MYO6: variants seen among roughly 807,000 people sequenced by gnomAD.
MYO6 encodes the protein unconventional myosin-VI.
A neutral mutation model predicts 178.7 loss-of-function variants in MYO6; 74 were observed. That is an observed-to-expected ratio of 0.41 (90% CI 0.34 to 0.50). The LOEUF (loss-of-function observed/expected upper bound fraction) is 0.50. Ranked by LOEUF, MYO6 falls within the 20% of genes least tolerant of loss-of-function variation. The pLI is 0.09. For missense variants in MYO6, 1,330 were observed against 1,547.4 expected (o/e 0.86, Z 2.36); for synonymous variants, 477 against 504.6 (o/e 0.95, Z 0.73).
chr6:75,898,410 A>G lies in MYO6; in HGVS notation c.3175A>G (p.Arg1059Gly), dbSNP rs1377814788. 6.2e-7 allele frequency: 1 copy of G among 1,608,370 alleles called. No individual in the cohort carries two copies. The highest frequency in any genetic ancestry group is 1.1e-5 in the South Asian group (1 of 90,942). ...CAAAGAAATGTCAGAATTTTTGAGT[A>G]GGTTAGTGCAGTGTAATTGGGGGAA... ...MAKEMSEFLS[R>G]GPAVLATKAA... Residue 1059 changes from arginine to glycine, a missense_variant and splice_region_variant, in exon 30 of 35, where the codon AGA (arginine) becomes GGA (glycine). Physicochemically the swap from Arg to Gly is moderately radical, Grantham distance 125. This residue lies in a region of MYO6 where 601 missense variants were observed against 626.1 expected (regional missense o/e 0.96). Coordinates refer to ENST00000369977, the MANE Select transcript of MYO6 (RefSeq NM_004999.4).
chr6:75,768,283 T>G (rs9443187), intron 1 of MYO6: 1 of 152,080 alleles, frequency 6.6e-6, no homozygotes, highest in African/African-American at 2.4e-5. Context: ...TACAAGATTT[T>G]AAAAAATTTC....
intron 1 of MYO6, among the ~76,000 whole-genome samples, chr6:75,760,297 A>G (rs1220383899): frequency 6.6e-6 from 1 of 152,144 alleles, no homozygotes; most frequent in African/African-American, 2.4e-5. Flanking sequence ...TTTATTTTGG[A>G]TAGATTCCTT....
chr6:75,894,845 G>T, intron 28 of MYO6: 1 of 1,507,118 alleles, frequency 6.6e-7, no homozygotes, highest in East Asian at 2.4e-5. Flanking sequence ...TTCTAAGTAA[G>T]AATTGTTTTC....
At chr6:75,898,706 T>G (rs886241239) in intron 30 of MYO6, among the ~76,000 whole-genome samples, 1 of 152,174 alleles carries the variant, frequency 6.6e-6, no homozygotes, top group Non-Finnish European at 1.5e-5. Context: ...TCAGTCTCAG[T>G]AGGGGACTTC....
In MYO6 at chr6:75,752,533, G is replaced by A. The variant is rs543127924; in HGVS notation, c.-48+3110G>A. Among the ~76,000 whole-genome samples, 4 of 152,294 alleles carry A rather than the reference G, an allele frequency of 2.6e-5. No individual in the cohort carries two copies. In the East Asian group the frequency reaches 7.7e-4, roughly 29 times the overall value. On this transcript the variant is annotated intron_variant, in intron 1 of 34. Coordinates refer to ENST00000369977, the MANE Select transcript of MYO6 (RefSeq NM_004999.4). ...ATTCACACCTGAGTCATTTGACCAC[G>A]AAGCCCCTGTTTTTTCCACCAGAAC...
At chr6:75,763,243 C>G (rs960049860) in intron 1 of MYO6, among the ~76,000 whole-genome samples, 1 of 151,954 alleles carries the variant, frequency 6.6e-6, no homozygotes, top group African/African-American at 2.4e-5. Context: ...CCAGGCTGGT[C>G]TTGAACTCCT....
intron 30 of MYO6, among the ~76,000 whole-genome samples, chr6:75,905,683 G>C (rs1226688088): frequency 6.6e-6 from 1 of 152,222 alleles, no homozygotes; most frequent in Admixed American, 6.5e-5. Flanking sequence ...CGTCTTCTGC[G>C]TCGCTCACGC....
intron 1 of MYO6, among the ~76,000 whole-genome samples, chr6:75,788,199 G>A (rs1053104368): frequency 4.0e-5 from 6 of 151,840 alleles, no homozygotes; most frequent in Non-Finnish European, 5.9e-5. Context: ...GCAACATGGT[G>A]AAAAAACACA....
intron 28 of MYO6, 23 bp downstream of exon 28, chr6:75,892,713 T>A: frequency 6.2e-7 from 1 of 1,611,520 alleles, no homozygotes; most frequent in Non-Finnish European, 8.5e-7. Flanking sequence ...CTGGGTGGGG[T>A]ATAGCGCTCT....
chr6:75,828,431 C>G, intron 3 of MYO6, 109 bp from the exon 4 acceptor site: 1 of 727,598 alleles, frequency 1.4e-6, no homozygotes, highest in East Asian at 2.6e-5. Context: ...TAAATGTAAC[C>G]TAACAATTGA....
intron 3 of MYO6, among the ~76,000 whole-genome samples, chr6:75,827,002 G>A (rs890719230): frequency 3.3e-5 from 5 of 152,150 alleles, no homozygotes; most frequent in Admixed American, 3.3e-4. Flanking sequence ...AGGTAGTTAT[G>A]GCAAGAGGCT....
At chr6:75,770,505 C>G (rs1049552438) in intron 1 of MYO6, among the ~76,000 whole-genome samples, 53 of 152,272 alleles carry the variant, frequency 3.5e-4, no homozygotes, top group Non-Finnish European at 7.2e-4. Flanking sequence ...GAGACAGAGT[C>G]TCACTCTGTT....
At chr6:75,799,318 A>G (rs1278498491) in intron 1 of MYO6, among the ~76,000 whole-genome samples, 1 of 151,076 alleles carries the variant, frequency 6.6e-6, no homozygotes, top group African/African-American at 2.4e-5. Context: ...TGAACCCAGG[A>G]GGTGGAGGTT....
chr6:75,801,093 T>C (rs980957003), intron 1 of MYO6, among the ~76,000 whole-genome samples: 2 of 152,198 alleles, frequency 1.3e-5, no homozygotes, highest in Non-Finnish European at 2.9e-5. Context: ...TTTAAAGCCG[T>C]AAGACTAGAT....
At chr6:75,875,042 C>A (rs1777459339) in intron 20 of MYO6, among the ~76,000 whole-genome samples, 1 of 152,166 alleles carries the variant, frequency 6.6e-6, no homozygotes, top group African/African-American at 2.4e-5. Context: ...ATTCCTGATT[C>A]CCCTGCAGGC....
intron 1 of MYO6, among the ~76,000 whole-genome samples, chr6:75,782,739 C>G (rs1767111010): frequency 6.6e-6 from 1 of 151,980 alleles, no homozygotes. Flanking sequence ...TGCCCTTTAT[C>G]TATTATTGCT....
intron 1 of MYO6, among the ~76,000 whole-genome samples, chr6:75,785,991 C>T (rs1330414208): frequency 6.6e-6 from 1 of 152,018 alleles, no homozygotes; most frequent in East Asian, 1.9e-4. Context: ...TCCTGGCTCA[C>T]TGCAACCTCT....
rs58108910 is a variant in MYO6 at position 75,753,455 on chromosome 6, G to GTATA, written c.-48+4054_-48+4057dup. On this transcript the variant is annotated intron_variant, in intron 1 of 34. Transcript: ENST00000369977. Reference sequence around the variant, plus strand: ...ATGATCTATATATGTGTGTGTGTGTGTATATATATATATATATATATATAT... The same window carrying GTATA: ...ATGATCTATATATGTGTGTGTGTGTGTATATATATATATATATATATATATATAT... Among the ~76,000 whole-genome samples the GTATA allele has an allele frequency of 4.1e-3, 570 of 140,040 alleles. 4 individuals are homozygous for GTATA. The highest frequency in any genetic ancestry group is 0.022 in the Middle Eastern group (6 of 270). The allele number at this position is 140,040 out of a possible 152,430, so 91.9% of individuals were successfully genotyped here.
intron 1 of MYO6, among the ~76,000 whole-genome samples, chr6:75,757,348 ACAT>A (rs998231914): frequency 1.3e-5 from 2 of 149,220 alleles, no homozygotes; most frequent in South Asian, 2.1e-4. Flanking sequence ...TACATATAGA[ACAT>A]CAGAAGTCTG....
Sources: gnomAD v4.1 joint callset for allele counts (sites outside exome capture counted in the v4.1 genomes callset) on GRCh38, gnomAD v4.1.1 for gene constraint, gnomAD v4.1.1 regional missense constraint, MANE v1.5 for transcripts, NCBI Gene and HGNC (gene_info 2026-07-23, HGNC 2026-07-21) for gene names.